The following RABGAP1L variants were observed in gnomAD, a reference collection of about 807,000 sequenced individuals.
RABGAP1L encodes the protein rab GTPase-activating protein 1-like.
A neutral mutation model predicts 137.7 loss-of-function variants in RABGAP1L; 63 were observed. The observed-to-expected ratio is 0.46, with a 90% CI of 0.37 to 0.56. The LOEUF (loss-of-function observed/expected upper bound fraction) is 0.56. Among genes scored for constraint, RABGAP1L ranks in the 20% least tolerant of loss-of-function variants. The probability of loss-of-function intolerance (pLI) is 0.00; values close to 1 mark genes in which losing one functional copy is unlikely to be tolerated. For synonymous variants in RABGAP1L, 431 were observed against 433.7 expected (o/e 0.99, Z 0.08); for missense variants, 1,095 against 1,244.0 (o/e 0.88, Z 1.80).
At chr1:174,533,651 T>TA (rs1485431958) in intron 13 of RABGAP1L, among the ~76,000 whole-genome samples, 2 of 152,166 alleles carry the variant, frequency 1.3e-5, no homozygotes, top group Non-Finnish European at 2.9e-5. Flanking sequence ...ACATATAACA[T>TA]ACGAAATACG....
intron 19 of RABGAP1L, among the ~76,000 whole-genome samples, chr1:174,819,788 C>A (rs768617582): frequency 2.0e-5 from 3 of 151,850 alleles, no homozygotes; most frequent in Non-Finnish European, 4.4e-5. Context: ...GAAAAGCCCA[C>A]AGAAAGAGAA....
intron 13 of RABGAP1L, among the ~76,000 whole-genome samples, chr1:174,458,277 T>G (rs1479979863): frequency 1.3e-5 from 2 of 151,852 alleles, no homozygotes; most frequent in African/African-American, 4.8e-5. Context: ...AATGTTATGT[T>G]CTACAAAGCC....
chr1:174,486,116 G>A (rs1659604845), intron 13 of RABGAP1L, among the ~76,000 whole-genome samples: 1 of 151,518 alleles, frequency 6.6e-6, no homozygotes, highest in African/African-American at 2.4e-5. Flanking sequence ...CTAATTTATT[G>A]AAATTATGTT....
chr1:174,804,283 T>TTTTTTTTGTG (rs1689052970), intron 18 of RABGAP1L, among the ~76,000 whole-genome samples: 1 of 149,582 alleles, frequency 6.7e-6, no homozygotes, highest in Admixed American at 6.7e-5. Context: ...TGTTTTTTGT[T>TTTTTTTTGTG]TTTTTTTTTG....
At chr1:174,230,861 A>AT (rs1452566476) in intron 3 of RABGAP1L, among the ~76,000 whole-genome samples, 1 of 151,830 alleles carries the variant, frequency 6.6e-6, no homozygotes, top group African/African-American at 2.4e-5. Context: ...TAAAGCTTAA[A>AT]TTTTTTCTCT....
At chr1:174,218,242 T>C (rs780567613) in intron 1 of RABGAP1L, among the ~76,000 whole-genome samples, 3 of 152,216 alleles carry the variant, frequency 2.0e-5, no homozygotes, top group Non-Finnish European at 4.4e-5. Context: ...ATTGTTTGCA[T>C]AGCCTTTAGA....
chr1:174,704,142 C>T (rs1216062697), intron 17 of RABGAP1L, among the ~76,000 whole-genome samples: 1 of 151,984 alleles, frequency 6.6e-6, no homozygotes, highest in East Asian at 1.9e-4. Context: ...GAACTACAGA[C>T]ACACAACACC....
intron 10 of RABGAP1L, among the ~76,000 whole-genome samples, chr1:174,294,046 A>G (rs1394684374): frequency 6.6e-6 from 1 of 152,158 alleles, no homozygotes; most frequent in Non-Finnish European, 1.5e-5. Flanking sequence ...CAGCTGTATA[A>G]CCTTAGGCAA....
rs759339083 is a variant in RABGAP1L, at chr1:174,994,638, C to T, written c.*4637C>T. The T allele has an allele frequency of 1.3e-5, 2 of 152,022 alleles. No homozygotes were observed. The highest frequency in any genetic ancestry group is 2.9e-5 in the Non-Finnish European group (2 of 68,004). 9.4% of individuals were successfully genotyped at this position (152,022 alleles called of 1,614,324 possible). Reference sequence around the variant, plus strand: ...CTGAATTGTGAGAATATAAATGCATCGAAAGACTCTGGTGTCATGAAAGCA... The same window carrying T: ...CTGAATTGTGAGAATATAAATGCATTGAAAGACTCTGGTGTCATGAAAGCA... On this transcript the variant is annotated 3_prime_UTR_variant, in exon 26 of 26. Transcript: ENST00000681986.
intron 13 of RABGAP1L, among the ~76,000 whole-genome samples, chr1:174,440,769 C>G (rs1220621572): frequency 6.6e-6 from 1 of 152,054 alleles, no homozygotes; most frequent in African/African-American, 2.4e-5. Flanking sequence ...ATTGGCCAGG[C>G]TGGTCTTGAA....
At chr1:174,856,859 G>A (rs905123012) in intron 19 of RABGAP1L, among the ~76,000 whole-genome samples, 14 of 151,758 alleles carry the variant, frequency 9.2e-5, no homozygotes, top group East Asian at 1.9e-4. Flanking sequence ...CCTGGGAGGC[G>A]GAGGTTGCAG....
At chr1:174,932,056 T>G (rs1663923836) in intron 19 of RABGAP1L, among the ~76,000 whole-genome samples, 2 of 133,462 alleles carry the variant, frequency 1.5e-5, no homozygotes, top group Admixed American at 1.6e-4. Flanking sequence ...CTCAAAACAC[T>G]GACTATACCT....
rs112842421 is a variant in RABGAP1L, at chr1:174,526,228, G to A, written c.1711-111147G>A. On this transcript the variant is annotated intron_variant, in intron 13 of 25. Coordinates refer to ENST00000681986, the MANE Select transcript of RABGAP1L (RefSeq NM_001366446.1). Reference sequence around the variant, plus strand: ...ATTGTCTGTTGTGCTGTTGAATTACGGTTTGCTAGTATTTTGTTGAGGATT... The same window carrying A: ...ATTGTCTGTTGTGCTGTTGAATTACAGTTTGCTAGTATTTTGTTGAGGATT... Among the ~76,000 whole-genome samples the A allele has an allele frequency of 5.3e-5, 8 of 152,130 alleles. No individual in the cohort carries two copies. In the South Asian group the frequency reaches 8.3e-4, roughly 16 times the overall value.
chr1:174,323,588 T>C (rs1277066518), intron 11 of RABGAP1L, among the ~76,000 whole-genome samples: 1 of 152,134 alleles, frequency 6.6e-6, no homozygotes, highest in African/African-American at 2.4e-5. Flanking sequence ...CATGAAACTG[T>C]ATCTTCCACT....
chr1:174,557,065 A>T (rs1232682471), intron 13 of RABGAP1L, among the ~76,000 whole-genome samples: 1 of 152,224 alleles, frequency 6.6e-6, no homozygotes, highest in East Asian at 1.9e-4. Flanking sequence ...TCGCATTCGC[A>T]TGCAAATTTC....
chr1:174,215,785 T>C (rs1669264201), intron 1 of RABGAP1L, among the ~76,000 whole-genome samples: 1 of 152,152 alleles, frequency 6.6e-6, no homozygotes, highest in African/African-American at 2.4e-5. Context: ...AATCTAAAAA[T>C]TGAGGTTTCA....
chr1:174,888,710 C>A (rs776218278), intron 19 of RABGAP1L, among the ~76,000 whole-genome samples: 1 of 152,056 alleles, frequency 6.6e-6, no homozygotes, highest in African/African-American at 2.4e-5. Flanking sequence ...GTTGGCCAGA[C>A]TGGTCTCAAA....
intron 19 of RABGAP1L, among the ~76,000 whole-genome samples, chr1:174,918,686 G>T (rs549627153): frequency 6.6e-6 from 1 of 152,298 alleles, no homozygotes; most frequent in East Asian, 1.9e-4. Context: ...CTGGGAGGCT[G>T]AGGTTGCTTG....
intron 10 of RABGAP1L, 73 bp downstream of exon 10, chr1:174,278,852 A>T (rs1200195912): frequency 8.2e-7 from 1 of 1,216,900 alleles, no homozygotes; most frequent in African/African-American, 1.6e-5. Flanking sequence ...TAATGCCAAG[A>T]TAATTCCTGA....
Sources: allele counts gnomAD v4.1 joint callset (sites outside exome capture counted in the v4.1 genomes callset), GRCh38; gene constraint gnomAD v4.1.1; transcripts MANE v1.5; gene names NCBI Gene and HGNC (gene_info 2026-07-23, HGNC 2026-07-21).